Variants in PHEX observed in about 807,000 individuals in gnomAD.
PHEX encodes phosphate regulating endopeptidase X-linked, also known as phosphate-regulating neutral endopeptidase PHEX.
PHEX carries 16 observed loss-of-function variants against 68.0 expected under a neutral mutation model. That is an observed-to-expected ratio of 0.24 (90% CI 0.16 to 0.36). The LOEUF (loss-of-function observed/expected upper bound fraction) is 0.36, where lower values mean the gene tolerates loss of function less well. Ranked by LOEUF, PHEX falls within the 10% of genes least tolerant of loss-of-function variation. PHEX has a pLI of 1.00. For synonymous variants in PHEX, 208 were observed against 205.1 expected, an observed-to-expected ratio of 1.01 and a Z score of -0.12; for missense variants, 480 against 575.5, an observed-to-expected ratio of 0.83 and a Z score of 1.70.
At chrX:22,037,926 A>T (rs1005983871) in intron 1 of PHEX, among the ~76,000 whole-genome samples, 2 of 111,950 alleles carry the variant, frequency 1.8e-5, no homozygotes, top group Non-Finnish European at 3.8e-5. Context: ...ATAGTTTAAA[A>T]GTTTCAATTT....
intron 15 of PHEX, among the ~76,000 whole-genome samples, chrX:22,208,862 C>T (rs1934798176): frequency 8.9e-6 from 1 of 111,924 alleles, no homozygotes; most frequent in Non-Finnish European, 1.9e-5. Context: ...TAAAAGGCCT[C>T]GGGGCTTTTG....
At chrX:22,214,387 G>A (rs771730713) in intron 16 of PHEX, among the ~76,000 whole-genome samples, 3 of 111,914 alleles carry the variant, frequency 2.7e-5, no homozygotes, top group Non-Finnish European at 3.8e-5. Context: ...CCTTAATTCC[G>A]TCTGCAGCCC....
intron 9 of PHEX, among the ~76,000 whole-genome samples, chrX:22,105,493 A>G (rs1930643521): frequency 8.9e-6 from 1 of 112,095 alleles, no homozygotes; most frequent in African/African-American, 3.2e-5. Context: ...CTGCTGGCTC[A>G]GGGACACACT....
At chrX:22,183,119 T>G (rs1933930056) in intron 14 of PHEX, among the ~76,000 whole-genome samples, 1 of 110,836 alleles carries the variant, frequency 9.0e-6, no homozygotes, top group African/African-American at 3.3e-5. Context: ...TGGCTAATAT[T>G]CTGATTTCTA....
Position 22,212,939 on chromosome X carries a change from T to TG in PHEX, c.1685dup (p.Thr563AsnfsTer19), listed in dbSNP as rs886041837. ...AGGAGAGCTCCAGAAGCCTTTCTTT[T>TG]GGGGAACAGAATATCCTCGGTGAGT... On this transcript the variant is annotated frameshift_variant, in exon 16 of 22. Coordinates refer to ENST00000379374, the MANE Select transcript of PHEX (RefSeq NM_000444.6). LOFTEE classifies it high-confidence loss of function. 1 of 1,202,505 alleles carries TG rather than the reference T, an allele frequency of 8.3e-7. No individual in the cohort carries two copies. Among genetic ancestry groups the TG allele is most frequent in the Non-Finnish European group, 1.1e-6 (1 of 887,016 alleles).
intron 20 of PHEX, among the ~76,000 whole-genome samples, chrX:22,230,229 C>CTTTTTTTTTTTTTTT (rs140475343): frequency 5.5e-4 from 6 of 10,937 alleles, no homozygotes; most frequent in Non-Finnish European, 9.0e-4. Flanking sequence ...TATATGGGCT[C>CTTTTTTTTTTTTTTT]TTTTTTTTTT....
At chrX:22,107,881 G>T (rs988458891) in intron 9 of PHEX, among the ~76,000 whole-genome samples, 2 of 111,922 alleles carry the variant, frequency 1.8e-5, no homozygotes, top group Non-Finnish European at 3.8e-5. Flanking sequence ...TGGGTGCTCA[G>T]GATGTGTTGA....
At chrX:22,060,551 C>A (rs1196954839) in intron 3 of PHEX, among the ~76,000 whole-genome samples, 1 of 111,506 alleles carries the variant, frequency 9.0e-6, no homozygotes, top group East Asian at 2.8e-4. Context: ...AGAAGTGGAG[C>A]AATAGCCTGC....
intron 3 of PHEX, among the ~76,000 whole-genome samples, chrX:22,072,803 G>A (rs971872259): frequency 2.7e-5 from 3 of 111,793 alleles, no homozygotes; most frequent in East Asian, 2.8e-4. Flanking sequence ...TTACTTGAGC[G>A]TGTTAACTTT....
intron 3 of PHEX, among the ~76,000 whole-genome samples, chrX:22,075,188 C>A (rs12008272): frequency 1.8e-5 from 2 of 109,155 alleles, no homozygotes; most frequent in Admixed American, 9.9e-5. Context: ...CACATCCAAC[C>A]CAATTTAATT....
At chrX:22,130,862 T>G (rs778870980) in intron 11 of PHEX, among the ~76,000 whole-genome samples, 1 of 110,751 alleles carries the variant, frequency 9.0e-6, no homozygotes, top group Non-Finnish European at 1.9e-5. Context: ...TTTCCTTATC[T>G]GTCAAATAAA....
In PHEX at chrX:22,249,266, G is replaced by A. The variant is rs1270705761; in HGVS notation, c.*1313G>A. The A allele has an allele frequency of 1.0e-5, 1 of 95,286 alleles. No individual in the cohort carries two copies. The highest frequency in any genetic ancestry group is 2.0e-5 in the Non-Finnish European group (1 of 49,293). 7.9% of individuals were successfully genotyped at this position (95,286 alleles called of 1,213,427 possible). A position where few individuals can be genotyped will look rare whatever the true frequency, so the allele number is the denominator to read the frequency against. On this transcript the variant is annotated 3_prime_UTR_variant, in exon 22 of 22. Coordinates refer to ENST00000379374, the MANE Select transcript of PHEX (RefSeq NM_000444.6). ...AGGATAAAATTGTAATGGCCTTAAA[G>A]TTGTTACCTGGCATTTTTGGTTTCT... is the stretch of plus-strand genomic sequence containing the variant.
chrX:22,205,836 A>G (rs1455000721), intron 15 of PHEX, among the ~76,000 whole-genome samples: 1 of 112,149 alleles, frequency 8.9e-6, no homozygotes, highest in Non-Finnish European at 1.9e-5. Flanking sequence ...GAACGCAACA[A>G]TGAATGTAGG....
At chrX:22,106,387 C>T (rs530521668) in intron 9 of PHEX, among the ~76,000 whole-genome samples, 1 of 111,611 alleles carries the variant, frequency 9.0e-6, no homozygotes, top group South Asian at 3.8e-4. Flanking sequence ...AGGAAGTCCT[C>T]GTAATTCTTT....
intron 17 of PHEX, among the ~76,000 whole-genome samples, chrX:22,221,158 T>C (rs1935256580): frequency 1.8e-5 from 2 of 111,797 alleles, no homozygotes; most frequent in African/African-American, 6.5e-5. Context: ...CCTATAGGGC[T>C]GAGTCAGGGT....
intron 3 of PHEX, among the ~76,000 whole-genome samples, chrX:22,060,810 C>T (rs1928328733): frequency 9.0e-6 from 1 of 111,683 alleles, no homozygotes; most frequent in African/African-American, 3.3e-5. Context: ...GACGTATACA[C>T]CCACAATGAC....
chrX:22,039,926 C>T, intron 2 of PHEX, among the ~76,000 whole-genome samples: 1 of 83,788 alleles, frequency 1.2e-5, no homozygotes, highest in East Asian at 3.5e-4. Flanking sequence ...ACAGAGGGAA[C>T]TTCTGTCTCA....
chrX:22,208,961 C>G (rs968978195), intron 15 of PHEX, among the ~76,000 whole-genome samples: 1 of 111,768 alleles, frequency 8.9e-6, no homozygotes, highest in Non-Finnish European at 1.9e-5. Context: ...AATGATAGTG[C>G]GGTTTTATAC....
chrX:22,048,498 G>A (rs765695231), intron 3 of PHEX, among the ~76,000 whole-genome samples: 12 of 111,034 alleles, frequency 1.1e-4, no homozygotes, highest in East Asian at 5.6e-4. Flanking sequence ...ACACACACGC[G>A]CGCACAGTCA....
Sources: gnomAD v4.1 joint callset for allele counts (sites outside exome capture counted in the v4.1 genomes callset) on GRCh38, gnomAD v4.1.1 for gene constraint, MANE v1.5 for transcripts, NCBI Gene and HGNC (gene_info 2026-07-23, HGNC 2026-07-21) for gene names.